The following PCSK1 variants were observed in gnomAD, a reference collection of about 807,000 sequenced individuals.
PCSK1 encodes the protein proprotein convertase subtilisin/kexin type 1.
Under a neutral mutation model 90.6 loss-of-function variants are expected in PCSK1, and 56 were observed. The observed-to-expected ratio is 0.62, with a 90% CI of 0.50 to 0.77. The LOEUF is 0.77. Ranked by LOEUF, PCSK1 falls within the 30% of genes least tolerant of loss-of-function variation. The pLI, the probability that PCSK1 is intolerant of heterozygous loss-of-function variation, is 0.00. For synonymous variants in PCSK1, 348 were observed against 342.4 expected, an observed-to-expected ratio of 1.02 and a Z score of -0.18; for missense variants, 801 against 932.6, an observed-to-expected ratio of 0.86 and a Z score of 1.84.
intron 9 of PCSK1, among the ~76,000 whole-genome samples, chr5:96,401,839 C>A (rs1760386923): frequency 6.6e-6 from 1 of 152,142 alleles, no homozygotes; most frequent in African/African-American, 2.4e-5. Context: ...GAATGCTGGG[C>A]ACAGGGTATA....
At chr5:96,416,601 T>A (rs906789182) in intron 5 of PCSK1, among the ~76,000 whole-genome samples, 4 of 152,204 alleles carry the variant, frequency 2.6e-5, no homozygotes, top group Non-Finnish European at 5.9e-5. Flanking sequence ...TGATCAGCCT[T>A]AGTAGGATAT....
intron 5 of PCSK1, among the ~76,000 whole-genome samples, chr5:96,416,626 C>T (rs1760945857): frequency 6.6e-6 from 1 of 152,104 alleles, no homozygotes; most frequent in African/African-American, 2.4e-5. Context: ...GAACAAGTCC[C>T]CTATTAAGCC....
chr5:96,395,730 T>C (rs1223544771), intron 12 of PCSK1, among the ~76,000 whole-genome samples: 2 of 152,150 alleles, frequency 1.3e-5, no homozygotes, highest in African/African-American at 4.8e-5. Flanking sequence ...CCATGGCATG[T>C]GTATACCTAT....
At position 96,433,010 on chromosome 5, in the gene PCSK1, A is replaced by C. The variant is rs2112455604; in HGVS notation, c.33T>G (p.Thr11=). 6.2e-7 allele frequency: 1 copy of C among 1,614,202 alleles called. No homozygotes were observed. Among genetic ancestry groups the C allele is most frequent in the East Asian group, 2.2e-5 (1 of 44,888 alleles). The change falls in exon 1 of 14, where the codon ACT becomes ACG. Residue 11 remains threonine, a synonymous_variant. Coordinates refer to ENST00000311106, the MANE Select transcript of PCSK1 (RefSeq NM_000439.5). MERRAWSLQC[T]AFVLFCAWCA... ...ACCAAGCGCAAAAGAGGACGAAAGC[A>C]GTGCACTGCAGACTCCAGGCTCTTC...
intron 6 of PCSK1, among the ~76,000 whole-genome samples, chr5:96,412,750 A>ATTTTTT (rs1451878228): frequency 7.9e-5 from 5 of 63,382 alleles, no homozygotes; most frequent in African/African-American, 4.0e-4. Flanking sequence ...GGCAGCTGTG[A>ATTTTTT]TGTTTTTTTT....
rs776377807 is a variant in PCSK1, at chr5:96,432,981, G to T, written c.62C>A (p.Ala21Glu). The T allele has an allele frequency of 1.2e-5, 20 of 1,614,180 alleles. No individual in the cohort carries two copies. Among genetic ancestry groups the T allele is most frequent in the Non-Finnish European group, 1.7e-5 (20 of 1,179,994 alleles). The change falls in exon 1 of 14, where the codon GCA becomes GAA. Residue 21 changes from alanine to glutamate, a missense_variant. By Grantham distance (107) the Ala-to-Glu change is moderately radical. Transcript: ENST00000311106. ...CCTTTTCGCTTTTGCACTGTTCAGT[G>T]CACACCAAGCGCAAAAGAGGACGAA... Reference protein sequence around the residue: ...TAFVLFCAWCALNSAKAKRQF... With the variant: ...TAFVLFCAWCELNSAKAKRQF...
chr5:96,408,098 G>C, intron 9 of PCSK1, 125 bp downstream of exon 9: 1 of 719,056 alleles, frequency 1.4e-6, no homozygotes, highest in East Asian at 2.7e-5. Context: ...TGGCAGGAAA[G>C]AGCTTATCTT....
chr5:96,421,960 AAG>A lies in PCSK1; in HGVS notation c.544-6_544-5del. ...AATCATAGCTAGCCTCTGGATCCTA[AAG>A]AGACAACAAAATATAACACTGTGGC... On this transcript the variant is annotated splice_region_variant and splice_polypyrimidine_tract_variant and intron_variant, in intron 4 of 13. Transcript: ENST00000311106. 1 of 1,422,130 alleles carries A rather than the reference AAG, an allele frequency of 7.0e-7. No individual in the cohort carries two copies. Among genetic ancestry groups the A allele is most frequent in the Non-Finnish European group, 9.9e-7 (1 of 1,007,768 alleles). 88.1% of individuals were successfully genotyped at this position (1,422,130 alleles called of 1,614,324 possible).
chr5:96,423,359 A>T lies in PCSK1; in HGVS notation c.497T>A (p.Leu166Gln). 6.2e-7 allele frequency: 1 copy of T among 1,613,642 alleles called. No homozygotes were observed. Among genetic ancestry groups the T allele is most frequent in the Non-Finnish European group, 8.5e-7 (1 of 1,179,794 alleles). Residue 166 changes from leucine (L) to glutamine (Q), a missense_variant, in exon 4 of 14, where the codon CTG becomes CAG. Leu to Gln is a moderately radical substitution (Grantham distance 113). Coordinates refer to ENST00000311106, the MANE Select transcript of PCSK1 (RefSeq NM_000439.5). ...GTGATTCCACTCCAAACCATCATCC[A>T]GTACGGTGATAACAACTCCTTTGCC... ...ITGKGVVITV[L>Q]DDGLEWNHTD...
intron 9 of PCSK1, 131 bp from the exon 10 acceptor site, chr5:96,400,317 G>T: frequency 1.4e-6 from 1 of 715,872 alleles, no homozygotes; most frequent in Non-Finnish European, 2.6e-6. Flanking sequence ...TGTTATTCTA[G>T]TGTCTATTAC....
At chr5:96,412,752 G>GTTTTTTTTTTTTTGTTTTTTTTTTT (rs1554058734) in intron 6 of PCSK1, among the ~76,000 whole-genome samples, 1 of 71,832 alleles carries the variant, frequency 1.4e-5, no homozygotes, top group African/African-American at 9.0e-5. Context: ...CAGCTGTGAT[G>GTTTTTTTTTTTTTGTTTTTTTTTTT]TTTTTTTTTT....
intron 6 of PCSK1, chr5:96,412,973 G>A: frequency 1.0e-6 from 1 of 1,004,752 alleles, no homozygotes; most frequent in Non-Finnish European, 1.2e-6. Context: ...CCTCCTCATG[G>A]CTGTCCCACA....
At chr5:96,425,601 T>G (rs1761281489) in intron 3 of PCSK1, among the ~76,000 whole-genome samples, 1 of 152,176 alleles carries the variant, frequency 6.6e-6, no homozygotes, top group Admixed American at 6.6e-5. Context: ...TACAACCTAT[T>G]TTTTTCACAG....
chr5:96,395,030 CAAAT>C lies in PCSK1; in HGVS notation c.1723-9_1723-6del. Reference sequence around the variant, plus strand: ...TTCATTTTGAATTCTTCCAGACTAACAAATAAGCATACCTACATTTAGTATGTGT... The same window carrying C: ...TTCATTTTGAATTCTTCCAGACTAACAAGCATACCTACATTTAGTATGTGT... On this transcript the variant is annotated splice_polypyrimidine_tract_variant and splice_region_variant and intron_variant, in intron 12 of 13. Coordinates refer to ENST00000311106, the MANE Select transcript of PCSK1 (RefSeq NM_000439.5). 1 of 1,607,134 alleles carries C rather than the reference CAAAT, an allele frequency of 6.2e-7. No homozygotes were observed. The highest frequency in any genetic ancestry group is 8.5e-7 in the Non-Finnish European group (1 of 1,173,624).
At chr5:96,432,478 C>G (rs1761537380) in intron 1 of PCSK1, among the ~76,000 whole-genome samples, 1 of 152,184 alleles carries the variant, frequency 6.6e-6, no homozygotes. Context: ...GCCTCAGTCC[C>G]GGGGGATGGA....
At position 96,432,848 on chromosome 5, in the gene PCSK1, A is replaced by C. The variant is rs776142260; in HGVS notation, c.180+15T>G. On this transcript the variant is annotated intron_variant, in intron 1 of 13. Coordinates refer to ENST00000311106, the MANE Select transcript of PCSK1 (RefSeq NM_000439.5). The stretch of plus-strand genomic sequence containing the variant: ...CTGGGGCCCCAGAAAGTTTCTTGAA[A>C]GTGGAAACTCTTACCTGACCCAAAA... The C allele has an allele frequency of 1.4e-5, 22 of 1,611,362 alleles. No individual in the cohort carries two copies. In the Admixed American group the frequency reaches 3.5e-4, roughly 26 times the overall value.
intron 9 of PCSK1, among the ~76,000 whole-genome samples, chr5:96,404,853 G>A (rs1272953960): frequency 6.6e-6 from 1 of 152,154 alleles, no homozygotes; most frequent in African/African-American, 2.4e-5. Context: ...TCATAAGAAT[G>A]TTGTAAGCGT....
chr5:96,431,601 G>C (rs1029352698), intron 1 of PCSK1, among the ~76,000 whole-genome samples: 3 of 152,164 alleles, frequency 2.0e-5, no homozygotes, highest in African/African-American at 7.2e-5. Flanking sequence ...AAAAGCAAAA[G>C]ACTCATCTGC....
chr5:96,398,102 A>G (rs986759789), intron 11 of PCSK1, among the ~76,000 whole-genome samples: 2 of 152,196 alleles, frequency 1.3e-5, no homozygotes, highest in African/African-American at 4.8e-5. Flanking sequence ...CAGGTCTATC[A>G]ATTAAAAAAG....
Sources: gnomAD v4.1 joint callset for allele counts (sites outside exome capture counted in the v4.1 genomes callset) on GRCh38, gnomAD v4.1.1 for gene constraint, MANE v1.5 for transcripts, NCBI Gene and HGNC (gene_info 2026-07-23, HGNC 2026-07-21) for gene names.